The following FAT3 variants were observed in gnomAD, a reference collection of about 807,000 sequenced individuals.
FAT3 encodes protocadherin Fat 3.
A neutral mutation model predicts 310.2 loss-of-function variants in FAT3; 95 were observed. The observed-to-expected ratio is 0.31, with a 90% CI of 0.26 to 0.36. The LOEUF (loss-of-function observed/expected upper bound fraction) is 0.36. Among genes scored for constraint, FAT3 ranks in the 10% least tolerant of loss-of-function variants. The pLI, the probability that FAT3 is intolerant of heterozygous loss-of-function variation, is 1.00. For missense variants in FAT3, 5,408 were observed against 5,715.6 expected (o/e 0.95, Z 1.74); for synonymous variants, 2,314 against 2,192.9 (o/e 1.06, Z -1.54).
At chr11:92,336,635 A>C (rs1470715162) in intron 1 of FAT3, 1 of 154,910 alleles carries the variant, frequency 6.5e-6, no homozygotes, top group Non-Finnish European at 1.4e-5. Flanking sequence ...ATGTTTACTT[A>C]GTGGAGAGAT....
chr11:92,278,129 A>G (rs1175036026), intron 1 of FAT3, among the ~76,000 whole-genome samples: 1 of 152,132 alleles, frequency 6.6e-6, no homozygotes, highest in Non-Finnish European at 1.5e-5. Context: ...TGAGGGGAGG[A>G]GGAGTGGCTG....
chr11:92,843,873 T>C (rs1267644279), intron 18 of FAT3, 61 bp from the exon 19 acceptor site: 1 of 1,492,856 alleles, frequency 6.7e-7, no homozygotes, highest in Non-Finnish European at 9.0e-7. Flanking sequence ...TGCGGGTTTT[T>C]AAAAACTTAC....
At chr11:92,297,352 C>A (rs1245440777) in intron 1 of FAT3, among the ~76,000 whole-genome samples, 1 of 152,042 alleles carries the variant, frequency 6.6e-6, no homozygotes, top group Non-Finnish European at 1.5e-5. Flanking sequence ...TTTTATATCA[C>A]CCCTAGTATC....
rs376809001 is a variant in FAT3, at chr11:92,890,530, G to A, written c.13187G>A (p.Arg4396His). ...ACCTCTGATTGGATGCCAGGGGCCC[G>A]CCTGTCGGACATAGAGGAAGTGCCC... ...WDTSDWMPGA[R>H]LSDIEEVPNY... The change falls in exon 28 of 28, where the codon CGC becomes CAC. Residue 4396 changes from arginine (R) to histidine (H), a missense_variant. Arg to His is a conservative substitution (Grantham distance 29). Around this residue, in one of 5 missense-constraint regions of FAT3, gnomAD observed 649 missense variants for 666.2 expected, o/e 0.97. Coordinates refer to ENST00000525166, the MANE Select transcript of FAT3 (RefSeq NM_001367949.2). The A allele has an allele frequency of 9.3e-6, 15 of 1,613,534 alleles. No homozygotes were observed. Among genetic ancestry groups the A allele is most frequent in the African/African-American group, 6.7e-5 (5 of 74,908 alleles).
At chr11:92,794,840 A>T (rs1947129134) in intron 9 of FAT3, among the ~76,000 whole-genome samples, 2 of 152,224 alleles carry the variant, frequency 1.3e-5, no homozygotes, top group African/African-American at 4.8e-5. Context: ...AGACAGACAG[A>T]CAAACCCACA....
intron 25 of FAT3, among the ~76,000 whole-genome samples, chr11:92,888,295 C>A (rs1039275254): frequency 6.6e-6 from 1 of 152,122 alleles, no homozygotes. Context: ...CTTGATGTAT[C>A]CTCTTTTCCT....
chr11:92,876,354 A>C (rs1358088163), intron 22 of FAT3, among the ~76,000 whole-genome samples: 1 of 152,244 alleles, frequency 6.6e-6, no homozygotes, highest in Non-Finnish European at 1.5e-5. Flanking sequence ...AGCTGCCTTC[A>C]ACAATTTTCA....
At chr11:92,573,182 G>A (rs952362658) in intron 3 of FAT3, among the ~76,000 whole-genome samples, 10 of 152,088 alleles carry the variant, frequency 6.6e-5, no homozygotes, top group Admixed American at 5.2e-4. Flanking sequence ...CATACTAGTG[G>A]GGAAGCATCA....
Position 92,814,960 on chromosome 11 carries a change from T to C in FAT3, c.9481+4884T>C, listed in dbSNP as rs558815239. On this transcript the variant is annotated intron_variant, in intron 13 of 27. Transcript: ENST00000525166. The stretch of plus-strand genomic sequence containing the variant: ...ATTCAGGAAGATAGGAGCCAGGAAG[T>C]TGGGAAAGTGTGGACCCAACTAAAT... Among the ~76,000 whole-genome samples the C allele has an allele frequency of 1.1e-3, 174 of 152,150 alleles. 1 individual carries two copies. The highest frequency in any genetic ancestry group is 1.8e-3 in the Non-Finnish European group (120 of 67,982).
chr11:92,256,390 T>C (rs563571705), intron 1 of FAT3, among the ~76,000 whole-genome samples: 3 of 151,918 alleles, frequency 2.0e-5, no homozygotes, highest in Non-Finnish European at 4.4e-5. Context: ...GTGATCACAA[T>C]TGTTTATATA....
intron 1 of FAT3, among the ~76,000 whole-genome samples, chr11:92,341,279 G>T (rs920447880): frequency 7.2e-5 from 11 of 152,146 alleles, no homozygotes; most frequent in African/African-American, 2.7e-4. Context: ...CTGCAGCCTC[G>T]GGCTCTTTAG....
chr11:92,418,419 A>ACCCCCACCCCC (rs1950461918), intron 2 of FAT3, among the ~76,000 whole-genome samples: 1 of 39,490 alleles, frequency 2.5e-5, no homozygotes, highest in Non-Finnish European at 5.5e-5. Context: ...AAAGTTAAAC[A>ACCCCCACCCCC]CCCCCCCCAC....
chr11:92,795,812 G>C (rs562298882), intron 9 of FAT3, among the ~76,000 whole-genome samples: 1 of 152,220 alleles, frequency 6.6e-6, no homozygotes, highest in African/African-American at 2.4e-5. Context: ...GGAGGCTGAG[G>C]CAGGAGAATC....
chr11:92,686,637 G>A (rs145063889), intron 3 of FAT3, among the ~76,000 whole-genome samples: 180 of 152,164 alleles, frequency 1.2e-3, no homozygotes, highest in African/African-American at 4.2e-3. Flanking sequence ...TTAAAAAAAA[G>A]CATTATCAGT....
intron 4 of FAT3, among the ~76,000 whole-genome samples, chr11:92,711,702 C>T (rs1944527459): frequency 6.6e-6 from 1 of 152,132 alleles, no homozygotes; most frequent in African/African-American, 2.4e-5. Flanking sequence ...ATCTTTGAAA[C>T]ATTTGGAAAA....
rs139969859 is a variant in FAT3, at chr11:92,852,743, C to T, written c.11366-4471C>T. Among the ~76,000 whole-genome samples, 5 of 152,126 alleles carry T rather than the reference C, an allele frequency of 3.3e-5. No individual in the cohort carries two copies. The East Asian group carries it at 9.7e-4, about 29-fold the overall frequency. On this transcript the variant is annotated intron_variant, in intron 19 of 27. Coordinates refer to ENST00000525166, the MANE Select transcript of FAT3 (RefSeq NM_001367949.2). Reference sequence around the variant, plus strand: ...TATATTTGAGTATTTTTTTACACATCCTCAAACTACAGTTTTCACAGTGGG... The same window carrying T: ...TATATTTGAGTATTTTTTTACACATTCTCAAACTACAGTTTTCACAGTGGG...
At chr11:92,878,976 T>C (rs1402472673) in intron 22 of FAT3, among the ~76,000 whole-genome samples, 1 of 151,372 alleles carries the variant, frequency 6.6e-6, no homozygotes, top group Non-Finnish European at 1.5e-5. Context: ...TGGCTGAAAA[T>C]AAACCCATAT....
intron 2 of FAT3, among the ~76,000 whole-genome samples, chr11:92,510,164 TTTC>T (rs1407182362): frequency 3.3e-5 from 5 of 152,194 alleles, no homozygotes; most frequent in African/African-American, 9.6e-5. Flanking sequence ...TTTATGTCCA[TTTC>T]TTCTTCTCAA....
chr11:92,621,756 G>C (rs181368316), intron 3 of FAT3, among the ~76,000 whole-genome samples: 1 of 152,202 alleles, frequency 6.6e-6, no homozygotes, highest in South Asian at 2.1e-4. Flanking sequence ...GCTTGAATTC[G>C]TATATTAAGA....
Sources: allele counts gnomAD v4.1 joint callset (sites outside exome capture counted in the v4.1 genomes callset), GRCh38; gene constraint gnomAD v4.1.1; regional missense constraint gnomAD v4.1.1; transcripts MANE v1.5; gene names NCBI Gene and HGNC (gene_info 2026-07-23, HGNC 2026-07-21).